SLC28A1: variants seen among roughly 807,000 people sequenced by gnomAD.
SLC28A1 encodes the protein sodium/nucleoside cotransporter 1.
In SLC28A1, 64 loss-of-function variants were observed where a neutral mutation model predicts 74.8. That is an observed-to-expected ratio of 0.86 (90% CI 0.70 to 1.05). The LOEUF is 1.05. SLC28A1 is among the 50% of genes least tolerant of loss of function. The pLI is 0.00. For missense variants in SLC28A1, 828 were observed against 822.8 expected (o/e 1.01, Z -0.08); for synonymous variants, 359 against 335.0 (o/e 1.07, Z -0.78).
chr15:84,888,692 C>T (rs750912996), intron 3 of SLC28A1, 80 bp from the exon 4 acceptor site: 35 of 947,872 alleles, frequency 3.7e-5, no homozygotes, highest in Non-Finnish European at 5.0e-5. Context: ...AGGGTCTCAC[C>T]GTGGCCCCCG....
the SLC28A1 span, among the ~76,000 whole-genome samples, chr15:84,957,703 AT>A: frequency 6.6e-6 from 1 of 152,310 alleles, no homozygotes; most frequent in South Asian, 2.1e-4. Flanking sequence ...CTACCACACT[AT>A]TTTGATTACT....
chr15:84,895,489 C>CTCGA, intron 6 of SLC28A1: 5 of 1,603,474 alleles, frequency 3.1e-6, no homozygotes, highest in Non-Finnish European at 4.3e-6. Context: ...ATTCAGCAGG[C>CTCGA]TCGATCGGGG....
At chr15:84,908,178 C>CTTT (rs71135328) in intron 8 of SLC28A1, among the ~76,000 whole-genome samples, 1,630 of 91,240 alleles carry the variant, frequency 0.018, 105 homozygotes, top group Middle Eastern at 0.021. Flanking sequence ...CAGAGCATTT[C>CTTT]TTTTTTTTTT....
chr15:84,896,390 A>G (rs902179786), intron 6 of SLC28A1, among the ~76,000 whole-genome samples: 4 of 152,250 alleles, frequency 2.6e-5, no homozygotes, highest in Non-Finnish European at 4.4e-5. Flanking sequence ...ACAATAAGAT[A>G]CCACTTCATA....
intron 15 of SLC28A1, 42 bp downstream of exon 15, chr15:84,935,560 G>A (rs367685901): frequency 5.1e-6 from 8 of 1,555,768 alleles, no homozygotes; most frequent in African/African-American, 1.3e-5. Flanking sequence ...GGGATGACAC[G>A]GCACAGCCAC....
rs1162484783 is a variant in SLC28A1 at position 84,884,746 on chromosome 15, A to G, written c.-138A>G. The G allele has an allele frequency of 5.1e-6, 5 of 985,528 alleles. No individual in the cohort carries two copies. In the African/African-American group the frequency reaches 8.7e-5, roughly 17 times the overall value. The allele number at this position is 985,528 out of a possible 1,614,324, so 61.0% of individuals were successfully genotyped here. A position where few individuals can be genotyped will look rare whatever the true frequency, so the allele number is the denominator to read the frequency against. On this transcript the variant is annotated 5_prime_UTR_variant, in exon 1 of 19. Coordinates refer to ENST00000394573, the MANE Select transcript of SLC28A1 (RefSeq NM_004213.5). ...GGCTTCCCTCTGGATGCTGACAGAA[A>G]CAAGGGTGAGAGAAAAGGACAGTAG...
At position 84,944,601 on chromosome 15, in the gene SLC28A1, C is replaced by T. The variant is rs766006948; in HGVS notation, c.1699C>T (p.Gln567Ter). The T allele has an allele frequency of 2.2e-5, 35 of 1,614,092 alleles. No homozygotes were observed. Among genetic ancestry groups the T allele is most frequent in the Non-Finnish European group, 2.7e-5 (32 of 1,179,918 alleles). The stretch of plus-strand genomic sequence containing the variant: ...CCCCCAACGGAAGAGCGACTTCTCC[C>T]AGATAGTGCTCCGGGCGCTCTTCAC... ...MVPQRKSDFS[Q>*]IVLRALFTGA... The change falls in exon 17 of 19, where the codon CAG (glutamine) becomes TAG (stop). Residue 567 changes from glutamine to a stop codon, truncating the protein, a stop_gained. Transcript: ENST00000394573. LOFTEE classifies it high-confidence loss of function.
intron 15 of SLC28A1, 115 bp downstream of exon 15, chr15:84,935,633 G>A (rs1268485809): frequency 2.4e-6 from 2 of 845,882 alleles, no homozygotes; most frequent in South Asian, 1.5e-5. Flanking sequence ...CACTGAAGTG[G>A]TGCTTCACCT....
At position 84,944,879 on chromosome 15, in the gene SLC28A1, G is replaced by A; in HGVS notation, c.1874+12G>A. The A allele has an allele frequency of 6.3e-7, 1 of 1,579,108 alleles. No homozygotes were observed. The highest frequency in any genetic ancestry group is 1.3e-5 in the African/African-American group (1 of 74,382). ...GAGGCCTTCCAGAGGTGAGGGCCTG[G>A]GCTGTGGGACCTGCAGGGCACCCAC... On this transcript the variant is annotated intron_variant, in intron 18 of 18. Transcript: ENST00000394573.
intron 6 of SLC28A1, among the ~76,000 whole-genome samples, chr15:84,898,628 T>C (rs915178094): frequency 3.3e-5 from 5 of 150,282 alleles, no homozygotes; most frequent in African/African-American, 1.2e-4. Context: ...CCAGTTAAGA[T>C]GTGGTAACAG....
intron 10 of SLC28A1, among the ~76,000 whole-genome samples, chr15:84,920,750 G>A (rs961108641): frequency 7.1e-6 from 1 of 140,986 alleles, no homozygotes; most frequent in Non-Finnish European, 1.5e-5. Flanking sequence ...AAATATATTG[G>A]GCCAGGAAAT....
the SLC28A1 span, among the ~76,000 whole-genome samples, chr15:84,961,790 C>A: frequency 6.6e-6 from 1 of 152,168 alleles, no homozygotes; most frequent in Non-Finnish European, 1.5e-5. Flanking sequence ...CAGGTAAAGT[C>A]ACTAACTAGG....
In SLC28A1 at chr15:84,905,631, G is replaced by T; in HGVS notation, c.696G>T (p.Glu232Asp). The change falls in exon 8 of 19, where the codon GAG becomes GAT. Residue 232 changes from glutamate (E) to aspartate (D), a missense_variant. Around this residue, in one of 3 missense-constraint regions of SLC28A1, gnomAD observed 767 missense variants for 753.5 expected, o/e 1.02. Coordinates refer to ENST00000394573, the MANE Select transcript of SLC28A1 (RefSeq NM_004213.5). ...CAGAACCAGGATTCATTGCGTTCGA[G>T]TGGCTGGGCGAGCAGATCCGGGTAG... ...IRTEPGFIAF[E>D]WLGEQIRIFL... 6.2e-7 allele frequency: 1 copy of T among 1,613,816 alleles called. No individual in the cohort carries two copies. The highest frequency in any genetic ancestry group is 1.3e-5 in the African/African-American group (1 of 75,058).
chr15:84,968,616 C>G, the SLC28A1 span, among the ~76,000 whole-genome samples: 1 of 152,240 alleles, frequency 6.6e-6, no homozygotes, highest in Non-Finnish European at 1.5e-5. Flanking sequence ...CATGAGCCAA[C>G]ACTTTCTAAC....
At chr15:84,930,871 G>A (rs1316760168) in intron 12 of SLC28A1, among the ~76,000 whole-genome samples, 1 of 151,450 alleles carries the variant, frequency 6.6e-6, no homozygotes, top group Non-Finnish European at 1.5e-5. Context: ...CTGGGTTTAA[G>A]TGATTCTCCT....
chr15:84,928,592 T>C (rs867503304), intron 12 of SLC28A1, among the ~76,000 whole-genome samples: 806 of 16,904 alleles, frequency 0.048, 21 homozygotes, highest in Middle Eastern at 0.083. Context: ...CTTTCTTTCT[T>C]TCTTTCTTTC....
At chr15:84,889,756 CCTTCCTTCCTTT>C (rs1317797043) in intron 4 of SLC28A1, among the ~76,000 whole-genome samples, 2 of 30,980 alleles carry the variant, frequency 6.5e-5, no homozygotes, top group Non-Finnish European at 8.9e-5. Flanking sequence ...TTCCTTCCTT[CCTTCCTTCCTTT>C]TCTTTCTCTC....
intron 15 of SLC28A1, among the ~76,000 whole-genome samples, chr15:84,936,455 C>T (rs1229514414): frequency 1.3e-5 from 2 of 151,974 alleles, no homozygotes; most frequent in African/African-American, 4.8e-5. Context: ...ACGGGGTTCA[C>T]CATGTTGGCC....
At chr15:84,940,323 C>T (rs887532969) in intron 15 of SLC28A1, among the ~76,000 whole-genome samples, 2 of 152,050 alleles carry the variant, frequency 1.3e-5, no homozygotes, top group Non-Finnish European at 2.9e-5. Flanking sequence ...AAAATACCAC[C>T]AGGACAGAGT....
Sources: gnomAD v4.1 joint callset for allele counts (sites outside exome capture counted in the v4.1 genomes callset) on GRCh38, gnomAD v4.1.1 for gene constraint, gnomAD v4.1.1 regional missense constraint, MANE v1.5 for transcripts, NCBI Gene and HGNC (gene_info 2026-07-23, HGNC 2026-07-21) for gene names.